The following ZNF710 variants were observed in gnomAD, a reference collection of about 807,000 sequenced individuals.
ZNF710 encodes zinc finger protein 710.
Under a neutral mutation model 50.6 loss-of-function variants are expected in ZNF710, and 13 were observed. The ratio of observed to expected loss-of-function variants is 0.26; its 90% CI spans 0.17 to 0.41. The LOEUF is 0.41. Ranked by LOEUF, ZNF710 falls within the 10% of genes least tolerant of loss-of-function variation. ZNF710 has a pLI of 1.00. For missense variants in ZNF710, 721 were observed against 936.6 expected (o/e 0.77, Z 3.01); for synonymous variants, 383 against 397.0 (o/e 0.96, Z 0.42).
Position 90,059,837 on chromosome 15 carries a change from C to T in ZNF710, c.-28-7273C>T, listed in dbSNP as rs1899949034. Among the ~76,000 whole-genome samples, 2 of 152,342 alleles carry T rather than the reference C, an allele frequency of 1.3e-5. No individual in the cohort carries two copies. Among genetic ancestry groups the T allele is most frequent in the South Asian group, 4.1e-4 (2 of 4,828 alleles). ...AAACCAAGAGGCTGGTTTCCTTAGG[C>T]GGTGAAATCCCGTGCATGTTTTTCA... is the stretch of plus-strand genomic sequence containing the variant. On this transcript the variant is annotated intron_variant, in intron 1 of 4. Transcript: ENST00000268154. The surrounding 1 kb of genome is among the most constrained non-coding windows in gnomAD (Gnocchi z 4.1).
intron 1 of ZNF710, among the ~76,000 whole-genome samples, chr15:90,063,691 G>C (rs2151522112): frequency 6.6e-6 from 1 of 152,244 alleles, no homozygotes; most frequent in Admixed American, 6.5e-5. Flanking sequence ...GGTGTGGACG[G>C]TCAGCTCCAT....
chr15:90,049,195 TCTC>T lies in ZNF710; in HGVS notation c.-28-17914_-28-17912del, dbSNP rs763391377. 5.8e-4 allele frequency among the ~76,000 whole-genome samples: 88 copies of T among 152,292 alleles called. No homozygotes were observed. The Middle Eastern group carries it at 0.01, about 18-fold the overall frequency. On this transcript the variant is annotated intron_variant, in intron 1 of 4. Coordinates refer to ENST00000268154, the MANE Select transcript of ZNF710 (RefSeq NM_198526.4). ...CCCATTGCATTACCTTATTGAATCT[TCTC>T]TACCATCCTGTGGGGAAGGCAGCTG... is the stretch of plus-strand genomic sequence containing the variant.
Position 90,067,994 on chromosome 15 carries a change from T to C in ZNF710, c.857T>C (p.Val286Ala), listed in dbSNP as rs1416523580. The C allele has an allele frequency of 6.2e-7, 1 of 1,613,974 alleles. No homozygotes were observed. Among genetic ancestry groups the C allele is most frequent in the Non-Finnish European group, 8.5e-7 (1 of 1,180,026 alleles). ...INVQIDDSYL[V>A]EAGDRQKRWQ... The stretch of plus-strand genomic sequence containing the variant: ...GTGCAGATTGACGACTCCTATCTGG[T>C]GGAGGCGGGCGACCGCCAGAAGCGC... The change falls in exon 2 of 5, where the codon GTG becomes GCG. Residue 286 changes from valine (V) to alanine (A), a missense_variant. Physicochemically the swap from Val to Ala is moderately conservative, Grantham distance 64. Coordinates refer to ENST00000268154, the MANE Select transcript of ZNF710 (RefSeq NM_198526.4). The surrounding 1 kb of genome is among the most constrained non-coding windows in gnomAD (Gnocchi z 8.1).
intron 3 of ZNF710, 82 bp downstream of exon 3, chr15:90,073,344 C>A: frequency 6.6e-7 from 1 of 1,507,972 alleles, no homozygotes; most frequent in Non-Finnish European, 9.0e-7. Flanking sequence ...TGTGGCCCAC[C>A]AAGCGCCAGC....
At chr15:90,047,437 A>G (rs1308613407) in intron 1 of ZNF710, among the ~76,000 whole-genome samples, 1 of 152,040 alleles carries the variant, frequency 6.6e-6, no homozygotes, top group Non-Finnish European at 1.5e-5. Flanking sequence ...CAGGCCTTCA[A>G]CTCTAGAGTC....
At position 90,040,435 on chromosome 15, in the gene ZNF710, T is replaced by C. The variant is rs1328733576; in HGVS notation, c.-28-26675T>C. 2.0e-5 allele frequency among the ~76,000 whole-genome samples: 3 copies of C among 151,740 alleles called. No homozygotes were observed. The highest frequency in any genetic ancestry group is 7.3e-5 in the African/African-American group (3 of 41,268). On this transcript the variant is annotated intron_variant, in intron 1 of 4. Transcript: ENST00000268154. The surrounding 1 kb of genome is among the most constrained non-coding windows in gnomAD (Gnocchi z 4.6). ...CCTCTTCCACCCAAATGTGTCACCT[T>C]GGGCAGCAGCTCCCTGAATTCTGTT...
chr15:90,062,298 A>G lies in ZNF710; in HGVS notation c.-28-4812A>G, dbSNP rs1361354443. On this transcript the variant is annotated intron_variant, in intron 1 of 4. Transcript: ENST00000268154. The surrounding 1 kb of genome is among the most constrained non-coding windows in gnomAD (Gnocchi z 5.6). ...ACAATCAGGCAGCTCATCTGTGTCT[A>G]TTTCCCCGCCTTTCACATTGACTTT... 1.3e-5 allele frequency among the ~76,000 whole-genome samples: 2 copies of G among 150,354 alleles called. No individual in the cohort carries two copies. Among genetic ancestry groups the G allele is most frequent in the Non-Finnish European group, 3.0e-5 (2 of 67,650 alleles).
At chr15:90,073,672 T>C (rs569238296) in intron 3 of ZNF710, among the ~76,000 whole-genome samples, 12 of 151,958 alleles carry the variant, frequency 7.9e-5, no homozygotes, top group African/African-American at 2.2e-4. Context: ...TGGAAAAGCA[T>C]AAAGAGAGAA....
Position 90,041,017 on chromosome 15 carries a change from A to G in ZNF710, c.-28-26093A>G, listed in dbSNP as rs138024933. ...GATTACTTCTTTAAAACAAGAGTTC[A>G]TTATTGTTTCTTTTGTTCTCACTGC... On this transcript the variant is annotated intron_variant, in intron 1 of 4. Coordinates refer to ENST00000268154, the MANE Select transcript of ZNF710 (RefSeq NM_198526.4). 3.7e-3 allele frequency among the ~76,000 whole-genome samples: 563 copies of G among 152,258 alleles called. 3 individuals carry two copies. The highest frequency in any genetic ancestry group is 0.012 in the African/African-American group (504 of 41,542).
upstream of ZNF710, among the ~76,000 whole-genome samples, chr15:89,999,026 T>A (rs372390251): frequency 6.6e-5 from 10 of 152,342 alleles, no homozygotes; most frequent in East Asian, 1.7e-3. Context: ...CCACTTGTAT[T>A]CTAAGCTGCA....
chr15:90,013,679 T>A (rs1489879005), intron 1 of ZNF710, among the ~76,000 whole-genome samples: 7 of 152,124 alleles, frequency 4.6e-5, no homozygotes. Flanking sequence ...TAAGATTACT[T>A]CCTTCCTGAA....
At chr15:90,070,982 G>T (rs1900359505) in intron 2 of ZNF710, among the ~76,000 whole-genome samples, 1 of 152,182 alleles carries the variant, frequency 6.6e-6, no homozygotes, top group Non-Finnish European at 1.5e-5. Context: ...CAAGTCCAGG[G>T]CCTGGCACAG....
intron 1 of ZNF710, among the ~76,000 whole-genome samples, chr15:90,006,582 A>C (rs1898145907): frequency 6.6e-6 from 1 of 152,270 alleles, no homozygotes. Context: ...GAAAAAGTAC[A>C]GAGGCATAGA....
At chr15:90,015,958 T>C (rs1378001299) in intron 1 of ZNF710, among the ~76,000 whole-genome samples, 1 of 152,200 alleles carries the variant, frequency 6.6e-6, no homozygotes, top group East Asian at 1.9e-4. Flanking sequence ...ACACGCCCTA[T>C]GTACCAATGT....
Position 90,081,752 on chromosome 15 carries a change from T to TCCC in ZNF710, c.*1924_*1926dup, listed in dbSNP as rs1900727337. The TCCC allele has an allele frequency of 1.3e-5, 2 of 152,336 alleles. No homozygotes were observed. Among genetic ancestry groups the TCCC allele is most frequent in the African/African-American group, 4.8e-5 (2 of 41,414 alleles). 9.4% of individuals were successfully genotyped at this position (152,336 alleles called of 1,614,324 possible). A position where few individuals can be genotyped will look rare whatever the true frequency, so the allele number is the denominator to read the frequency against. ...AACCCTGTACCTCTCCTCCTCCTCC[T>TCCC]CCCTCCTGCCAGTGCAGTGGCCTTG... On this transcript the variant is annotated 3_prime_UTR_variant, in exon 5 of 5. Transcript: ENST00000268154.
At chr15:90,008,416 G>A (rs1358655234) in intron 1 of ZNF710, among the ~76,000 whole-genome samples, 3 of 127,502 alleles carry the variant, frequency 2.4e-5, no homozygotes, top group African/African-American at 7.3e-5. Flanking sequence ...ATACGTGTGT[G>A]TGTGTGTGTG....
At chr15:90,018,894 T>C (rs1898530387) in intron 1 of ZNF710, among the ~76,000 whole-genome samples, 1 of 152,170 alleles carries the variant, frequency 6.6e-6, no homozygotes, top group South Asian at 2.1e-4. Context: ...GTTTTTTGTT[T>C]GTTTGTTTGT....
chr15:90,043,452 G>A (rs530337652), intron 1 of ZNF710, among the ~76,000 whole-genome samples: 69 of 152,354 alleles, frequency 4.5e-4, no homozygotes, highest in African/African-American at 1.5e-3. Flanking sequence ...GATGGCTGCC[G>A]GCCTGTGGCG....
chr15:90,050,743 A>G (rs1596288884), intron 1 of ZNF710, among the ~76,000 whole-genome samples: 1 of 152,186 alleles, frequency 6.6e-6, no homozygotes, highest in South Asian at 2.1e-4. Flanking sequence ...TTTATATGGA[A>G]GAACATTCCT....
Sources: gnomAD v4.1 joint callset for allele counts (sites outside exome capture counted in the v4.1 genomes callset) on GRCh38, gnomAD v4.1.1 for gene constraint, Gnocchi (gnomAD v3.1) non-coding constraint, MANE v1.5 for transcripts, NCBI Gene and HGNC (gene_info 2026-07-23, HGNC 2026-07-21) for gene names.